The following CAMKK1 variants were observed in gnomAD, a reference collection of about 807,000 sequenced individuals.
CAMKK1 encodes calcium/calmodulin dependent protein kinase kinase 1, also known as calcium/calmodulin-dependent protein kinase kinase 1.
A neutral mutation model predicts 63.5 loss-of-function variants in CAMKK1; 20 were observed. That is an observed-to-expected ratio of 0.32 (90% CI 0.22 to 0.46). The LOEUF is 0.46. Ranked by LOEUF, CAMKK1 falls within the 20% of genes least tolerant of loss-of-function variation. The probability of loss-of-function intolerance (pLI) is 1.00; values close to 1 mark genes in which losing one functional copy is unlikely to be tolerated. For synonymous variants in CAMKK1, 253 were observed against 269.0 expected, an observed-to-expected ratio of 0.94 and a Z score of 0.58; for missense variants, 588 against 658.1, an observed-to-expected ratio of 0.89 and a Z score of 1.17.
At chr17:3,865,413 C>A (rs1183081615) in intron 15 of CAMKK1, 1 of 991,706 alleles carries the variant, frequency 1.0e-6, no homozygotes, top group Non-Finnish European at 1.2e-6. Context: ...CTGCAGGCAG[C>A]CTGGGCCACT....
At chr17:3,891,832 C>G (rs2143918945) in intron 1 of CAMKK1, among the ~76,000 whole-genome samples, 1 of 152,132 alleles carries the variant, frequency 6.6e-6, no homozygotes, top group South Asian at 2.1e-4. Context: ...GTGGGGAGAG[C>G]TTGGTGGACA....
chr17:3,882,135 A>G lies in CAMKK1; in HGVS notation c.685+393T>C. On this transcript the variant is annotated intron_variant, in intron 7 of 15. Transcript: ENST00000348335. This position sits in a 1 kb window ranked among gnomAD's most constrained non-coding sequence, Gnocchi z 4.3. ...GAATGTGCTTTACATATAATTACTC[A>G]TTTACTCTTCACAGGAACCCTATGA... 1.5e-6 allele frequency: 1 copy of G among 657,430 alleles called. No homozygotes were observed. The allele number at this position is 657,430 out of a possible 1,614,324, so 40.7% of individuals were successfully genotyped here.
chr17:3,863,955 TTTC>T lies in CAMKK1; in HGVS notation c.1446-1675_1446-1673del, dbSNP rs1484692851. ...CCTGGCATAATTATTATTACTTTTT[TTTC>T]TTTTTTTTTTTTGAGACAGGGTCTG... On this transcript the variant is annotated intron_variant, in intron 15 of 15. Coordinates refer to ENST00000348335, the MANE Select transcript of CAMKK1 (RefSeq NM_032294.3). 4.6e-5 allele frequency among the ~76,000 whole-genome samples: 7 copies of T among 151,854 alleles called. No homozygotes were observed. In the East Asian group the frequency reaches 1.4e-3, roughly 29 times the overall value.
intron 12 of CAMKK1, 65 bp from the exon 13 acceptor site, chr17:3,869,953 C>G: frequency 1.5e-6 from 2 of 1,339,360 alleles, no homozygotes; most frequent in Non-Finnish European, 1.1e-6. Context: ...CTGTCCACCT[C>G]TCTTCCCGAA....
Position 3,884,032 on chromosome 17 carries a change from G to A in CAMKK1, c.409-95C>T. ...GAGCCGAGCAGCTCTGGTCTCTCCT[G>A]CACCCCATCTGCACTACCCACCACC... On this transcript the variant is annotated intron_variant, in intron 3 of 15. Coordinates refer to ENST00000348335, the MANE Select transcript of CAMKK1 (RefSeq NM_032294.3). This position sits in a 1 kb window ranked among gnomAD's most constrained non-coding sequence, Gnocchi z 4.5. 2 of 1,218,664 alleles carry A rather than the reference G, an allele frequency of 1.6e-6. No homozygotes were observed. The highest frequency in any genetic ancestry group is 2.4e-6 in the Non-Finnish European group (2 of 837,802). 75.5% of individuals were successfully genotyped at this position (1,218,664 alleles called of 1,614,324 possible).
chr17:3,882,951 C>G lies in CAMKK1; in HGVS notation c.648+91G>C. Reference sequence around the variant, plus strand: ...GCCACATCTGCCACCTGGGCAAGATCCCTGGGTCTGTGCTAGGGGCTCCCC... The same window carrying G: ...GCCACATCTGCCACCTGGGCAAGATGCCTGGGTCTGTGCTAGGGGCTCCCC... On this transcript the variant is annotated intron_variant, in intron 6 of 15. Coordinates refer to ENST00000348335, the MANE Select transcript of CAMKK1 (RefSeq NM_032294.3). The surrounding 1 kb of genome is among the most constrained non-coding windows in gnomAD (Gnocchi z 4.3). 1 of 1,522,950 alleles carries G rather than the reference C, an allele frequency of 6.6e-7. No individual in the cohort carries two copies. 94.3% of individuals were successfully genotyped at this position (1,522,950 alleles called of 1,614,324 possible).
chr17:3,865,636 C>T (rs1393498019), intron 15 of CAMKK1: 1 of 1,321,886 alleles, frequency 7.6e-7, no homozygotes, highest in African/African-American at 1.5e-5. Flanking sequence ...GTCTTCCTGT[C>T]CCATGGAGGG....
At chr17:3,880,233 T>A in intron 9 of CAMKK1, 113 bp downstream of exon 9, 2 of 879,884 alleles carry the variant, frequency 2.3e-6, no homozygotes, top group Non-Finnish European at 3.6e-6. Context: ...CTGAAGCTGA[T>A]TGGCAGGTCA....
intron 15 of CAMKK1, chr17:3,865,180 T>C (rs2054469676): frequency 2.0e-6 from 2 of 985,560 alleles, no homozygotes; most frequent in South Asian, 9.4e-5. Flanking sequence ...CTGGCTTTTA[T>C]TATAGTGAAG....
rs978495949 is a variant in CAMKK1 at position 3,862,625 on chromosome 17, G to A, written c.1446-342C>T. 1.3e-5 allele frequency among the ~76,000 whole-genome samples: 2 copies of A among 152,156 alleles called. No individual in the cohort carries two copies. Among genetic ancestry groups the A allele is most frequent in the Non-Finnish European group, 2.9e-5 (2 of 68,018 alleles). ...GCCTAATCAAGGGCCTTCTCTCTGT[G>A]TGTGTGGTTTTGTTGTTGTTTTGAG... On this transcript the variant is annotated intron_variant, in intron 15 of 15. Coordinates refer to ENST00000348335, the MANE Select transcript of CAMKK1 (RefSeq NM_032294.3). The surrounding 1 kb of genome is among the most constrained non-coding windows in gnomAD (Gnocchi z 4.1).
intron 9 of CAMKK1, among the ~76,000 whole-genome samples, chr17:3,877,729 C>G (rs754727095): frequency 1.3e-5 from 2 of 152,120 alleles, no homozygotes; most frequent in South Asian, 2.1e-4. Context: ...TCTGACACAC[C>G]CTTCAGGGCA....
intron 14 of CAMKK1, among the ~76,000 whole-genome samples, chr17:3,866,604 C>T (rs1012785047): frequency 1.3e-5 from 2 of 152,404 alleles, no homozygotes; most frequent in African/African-American, 4.8e-5. Flanking sequence ...TCCCTTCACT[C>T]CCTCGCTTGT....
Position 3,882,236 on chromosome 17 carries a change from C to T in CAMKK1, c.685+292G>A. On this transcript the variant is annotated intron_variant, in intron 7 of 15. Coordinates refer to ENST00000348335, the MANE Select transcript of CAMKK1 (RefSeq NM_032294.3). The surrounding 1 kb of genome is among the most constrained non-coding windows in gnomAD (Gnocchi z 4.3). ...GAGCTACAGTGTCTGGGAACCCATG[C>T]AGCCTGCTTCCTGCATCTACCTGAG... is the stretch of plus-strand genomic sequence containing the variant. The T allele has an allele frequency of 9.0e-6, 14 of 1,561,250 alleles. No homozygotes were observed. The highest frequency in any genetic ancestry group is 1.1e-5 in the Non-Finnish European group (13 of 1,138,272).
At position 3,885,559 on chromosome 17, in the gene CAMKK1, G is replaced by GT; in HGVS notation, c.128dup (p.Asp43GlufsTer25). The GT allele has an allele frequency of 6.2e-7, 1 of 1,614,030 alleles. No homozygotes were observed. The highest frequency in any genetic ancestry group is 2.2e-5 in the East Asian group (1 of 44,890). ...AGGCAGCTCTGGCCCGTGGTGGGGGGTCCACACCGTTTCTAGTAGGCTCTG... is the reference window on the plus strand; with the variant it reads ...AGGCAGCTCTGGCCCGTGGTGGGGGGTTCCACACCGTTTCTAGTAGGCTCTG... On this transcript the variant is annotated frameshift_variant, in exon 2 of 16. Transcript: ENST00000348335. LOFTEE classifies it high-confidence loss of function.
chr17:3,876,261 C>T lies in CAMKK1; in HGVS notation c.958G>A (p.Glu320Lys), dbSNP rs764993423. ...CTCTGGCCGGAATCAGAAATGGCCT[C>T]GGGGGCCATGAATGCTGGGGTTCCC... ...TAGTPAFMAP[E>K]AISDSGQSFS... The change falls in exon 10 of 16, where the codon GAG becomes AAG. Residue 320 changes from glutamate to lysine, a missense_variant. By Grantham distance (56) the Glu-to-Lys change is moderately conservative. Coordinates refer to ENST00000348335, the MANE Select transcript of CAMKK1 (RefSeq NM_032294.3). The T allele has an allele frequency of 6.2e-7, 1 of 1,614,112 alleles. No homozygotes were observed. Among genetic ancestry groups the T allele is most frequent in the Non-Finnish European group, 8.5e-7 (1 of 1,180,042 alleles).
At chr17:3,869,700 A>C in intron 13 of CAMKK1, 85 bp from the exon 14 acceptor site, 2 of 1,605,594 alleles carry the variant, frequency 1.2e-6, no homozygotes, top group Non-Finnish European at 1.7e-6. Flanking sequence ...CCACAGACTC[A>C]AACCCAACAC....
At chr17:3,866,708 C>T (rs1246945701) in intron 14 of CAMKK1, among the ~76,000 whole-genome samples, 1 of 150,388 alleles carries the variant, frequency 6.6e-6, no homozygotes, top group African/African-American at 2.4e-5. Flanking sequence ...GCCAGAATTC[C>T]TGCCCTCATA....
chr17:3,876,571 G>A (rs2055167214), intron 9 of CAMKK1, 149 bp from the exon 10 acceptor site: 1 of 656,742 alleles, frequency 1.5e-6, no homozygotes, highest in South Asian at 1.8e-5. Context: ...GAGGACGTCA[G>A]GGCCATCTGC....
chr17:3,883,636 C>A lies in CAMKK1; in HGVS notation c.463-156G>T, dbSNP rs2055514075. Among the ~76,000 whole-genome samples, 1 of 152,044 alleles carries A rather than the reference C, an allele frequency of 6.6e-6. No individual in the cohort carries two copies. Among genetic ancestry groups the A allele is most frequent in the African/African-American group, 2.4e-5 (1 of 41,374 alleles). On this transcript the variant is annotated intron_variant, in intron 4 of 15. Transcript: ENST00000348335. The surrounding 1 kb of genome is among the most constrained non-coding windows in gnomAD (Gnocchi z 4.7). ...AAGTGTTAAGCGGGGTTGGGGGTGG[C>A]CATATCTGAGCCTAGCCCTTCCCCT... is the stretch of plus-strand genomic sequence containing the variant.
Sources: gnomAD v4.1 joint callset for allele counts (sites outside exome capture counted in the v4.1 genomes callset) on GRCh38, gnomAD v4.1.1 for gene constraint, Gnocchi (gnomAD v3.1) non-coding constraint, MANE v1.5 for transcripts, NCBI Gene and HGNC (gene_info 2026-07-23, HGNC 2026-07-21) for gene names.